Variants in METTL16 observed in about 807,000 individuals in gnomAD.
METTL16 encodes the protein RNA N(6)-adenosine-methyltransferase METTL16.
Under a neutral mutation model 57.9 loss-of-function variants are expected in METTL16, and 19 were observed. The ratio of observed to expected loss-of-function variants is 0.33; its 90% CI spans 0.23 to 0.48. METTL16 has a LOEUF of 0.48. METTL16 is among the 20% of genes least tolerant of loss of function. The probability of loss-of-function intolerance (pLI) is 0.99; values close to 1 mark genes in which losing one functional copy is unlikely to be tolerated. For missense variants in METTL16, 434 were observed against 691.5 expected, an observed-to-expected ratio of 0.63 and a Z score of 4.18; for synonymous variants, 246 against 255.6, an observed-to-expected ratio of 0.96 and a Z score of 0.36.
At position 2,448,795 on chromosome 17, in the gene METTL16, TAAAATTTAAAA is replaced by T. The variant is rs2067042482; in HGVS notation, c.729-7247_729-7237del. On this transcript the variant is annotated intron_variant, in intron 6 of 9. Coordinates refer to ENST00000263092, the MANE Select transcript of METTL16 (RefSeq NM_024086.4). ...AAATAAAAAAATAAAAAAATAAAAA[TAAAATTTAAAA>T]AAAAAAAAAAAAAAAAAAAAGAGCA... Among the ~76,000 whole-genome samples the T allele has an allele frequency of 3.9e-3, 142 of 36,808 alleles. 3 individuals are homozygous for T. The highest frequency in any genetic ancestry group is 6.2e-3 in the Non-Finnish European group (124 of 20,116). 24.1% of individuals were successfully genotyped at this position (36,808 alleles called of 152,430 possible). A position where few individuals can be genotyped will look rare whatever the true frequency, so the allele number is the denominator to read the frequency against.
At chr17:2,509,258 G>A (rs1296597912) in intron 1 of METTL16, among the ~76,000 whole-genome samples, 1 of 152,168 alleles carries the variant, frequency 6.6e-6, no homozygotes. Context: ...CAGAATTTGA[G>A]GGGATTAGTA....
intron 6 of METTL16, among the ~76,000 whole-genome samples, chr17:2,453,576 A>G (rs1567891456): frequency 1.3e-5 from 2 of 152,180 alleles, no homozygotes; most frequent in African/African-American, 2.4e-5. Context: ...CTTTCTCCAA[A>G]GCAAACTCTT....
intron 1 of METTL16, among the ~76,000 whole-genome samples, chr17:2,505,386 C>G (rs935359466): frequency 9.3e-5 from 13 of 140,376 alleles, no homozygotes; most frequent in Non-Finnish European, 1.7e-4. Flanking sequence ...CAATGTCAAG[C>G]CCAGAGGCAT....
At chr17:2,451,038 ATACAT>A (rs1310782655) in intron 6 of METTL16, among the ~76,000 whole-genome samples, 7 of 152,340 alleles carry the variant, frequency 4.6e-5, no homozygotes, top group African/African-American at 1.7e-4. Flanking sequence ...TTTCGACCTC[ATACAT>A]TAAATAACAT....
At chr17:2,444,484 T>C (rs921410934) in intron 6 of METTL16, among the ~76,000 whole-genome samples, 1 of 152,020 alleles carries the variant, frequency 6.6e-6, no homozygotes, top group African/African-American at 2.4e-5. Flanking sequence ...TAAAATAAAA[T>C]GAAGTTGAAA....
intron 8 of METTL16, among the ~76,000 whole-genome samples, chr17:2,436,432 C>T (rs949609881): frequency 2.6e-5 from 4 of 152,158 alleles, no homozygotes; most frequent in African/African-American, 9.7e-5. Context: ...CGGATTTAAG[C>T]TCCTGTTTTC....
At position 2,420,147 on chromosome 17, in the gene METTL16, C is replaced by T. The variant is rs780430979; in HGVS notation, c.1512G>A (p.Gly504=). ...EQFGSPVAER[G]KRLPGVAGQY... ...GTCCGGCCACTCCTGGGAGACGTTT[C>T]CCCCTTTCAGCCACTGGGCTGCCGA... Residue 504 remains glycine, a synonymous_variant, in exon 10 of 10, where the codon GGG becomes GGA. Coordinates refer to ENST00000263092, the MANE Select transcript of METTL16 (RefSeq NM_024086.4). The surrounding 1 kb of genome is among the most constrained non-coding windows in gnomAD (Gnocchi z 5.4). 6.8e-6 allele frequency: 11 copies of T among 1,614,124 alleles called. No homozygotes were observed. The highest frequency in any genetic ancestry group is 1.3e-5 in the African/African-American group (1 of 74,940).
In METTL16 at chr17:2,422,606, G is replaced by T. The variant is rs572812776; in HGVS notation, c.889-1702C>A. Among the ~76,000 whole-genome samples, 5 of 151,572 alleles carry T rather than the reference G, an allele frequency of 3.3e-5. No homozygotes were observed. In the South Asian group the frequency reaches 6.3e-4, roughly 19 times the overall value. On this transcript the variant is annotated intron_variant, in intron 8 of 9. Transcript: ENST00000263092. The stretch of plus-strand genomic sequence containing the variant: ...AGGATGGTCTCGATCTCTTGACCTC[G>T]TGATCCACCCACCTCGGCCTCTCAA...
chr17:2,417,512 C>A lies in METTL16; in HGVS notation c.*2458G>T, dbSNP rs763479422. The A allele has an allele frequency of 6.6e-6, 1 of 152,224 alleles. No individual in the cohort carries two copies. The highest frequency in any genetic ancestry group is 1.5e-5 in the Non-Finnish European group (1 of 68,058). 9.4% of individuals were successfully genotyped at this position (152,224 alleles called of 1,614,324 possible). A position where few individuals can be genotyped will look rare whatever the true frequency, so the allele number is the denominator to read the frequency against. ...AATACACAGAGCATTCTCTGGAAATCCCTACGACACAGGCTTAAAGGCCAG... is the reference window on the plus strand; with the variant it reads ...AATACACAGAGCATTCTCTGGAAATACCTACGACACAGGCTTAAAGGCCAG... On this transcript the variant is annotated 3_prime_UTR_variant, in exon 10 of 10. Transcript: ENST00000263092.
intron 3 of METTL16, among the ~76,000 whole-genome samples, chr17:2,475,950 A>G (rs1181241501): frequency 1.3e-5 from 2 of 152,232 alleles, no homozygotes; most frequent in Non-Finnish European, 2.9e-5. Context: ...TAAGCAAACT[A>G]GCTGAGAAGC....
chr17:2,428,581 ATATATATATATATATATAT>A (rs2066841996), intron 8 of METTL16, among the ~76,000 whole-genome samples: 8 of 44,766 alleles, frequency 1.8e-4, no homozygotes, highest in South Asian at 2.6e-3. Context: ...ATATATATAT[ATATATATATATATATATAT>A]ATAAATTGTA....
At chr17:2,445,270 GT>G (rs1315468480) in intron 6 of METTL16, among the ~76,000 whole-genome samples, 1 of 152,092 alleles carries the variant, frequency 6.6e-6, no homozygotes, top group Non-Finnish European at 1.5e-5. Context: ...TGCCGTACAG[GT>G]TTGTAGCCTA....
chr17:2,489,210 ATGT>A (rs2067365772), intron 2 of METTL16, among the ~76,000 whole-genome samples: 1 of 151,930 alleles, frequency 6.6e-6, no homozygotes, highest in African/African-American at 2.4e-5. Flanking sequence ...GCTTCCCAAA[ATGT>A]TGTGATTACA....
At chr17:2,473,154 C>T (rs2067245664) in intron 4 of METTL16, among the ~76,000 whole-genome samples, 1 of 151,924 alleles carries the variant, frequency 6.6e-6, no homozygotes, top group South Asian at 2.1e-4. Flanking sequence ...CCTAAAAATG[C>T]CCTAAAAAAT....
chr17:2,424,214 C>G (rs1049777684), intron 8 of METTL16: 22 of 149,660 alleles, frequency 1.5e-4, no homozygotes, highest in Admixed American at 6.0e-4. Flanking sequence ...CCCGGGTTCA[C>G]GCCATTCTCC....
intron 6 of METTL16, among the ~76,000 whole-genome samples, chr17:2,455,364 G>A (rs563943848): frequency 6.4e-4 from 97 of 152,316 alleles, no homozygotes; most frequent in African/African-American, 2.2e-3. Context: ...CAGGATTACA[G>A]GCGTGAGCCA....
Position 2,511,679 on chromosome 17 carries a change from T to G in METTL16, c.-1+80A>C, listed in dbSNP as rs995164094. ...AGTCGGCACCTCACTAGCCCAAAAC[T>G]CAAGAATGAGGAACCCGTGTGATCC... On this transcript the variant is annotated intron_variant, in intron 1 of 9. Coordinates refer to ENST00000263092, the MANE Select transcript of METTL16 (RefSeq NM_024086.4). The G allele has an allele frequency of 2.1e-4, 84 of 394,658 alleles. 1 individual carries two copies. The highest frequency in any genetic ancestry group is 3.1e-4 in the Non-Finnish European group (70 of 224,302). The allele number at this position is 394,658 out of a possible 1,614,324, so 24.4% of individuals were successfully genotyped here.
Position 2,416,313 on chromosome 17 carries a change from A to G in METTL16, c.*3657T>C, listed in dbSNP as rs1359310525. 2 of 152,202 alleles carry G rather than the reference A, an allele frequency of 1.3e-5. No homozygotes were observed. The highest frequency in any genetic ancestry group is 4.8e-5 in the African/African-American group (2 of 41,442). The allele number at this position is 152,202 out of a possible 1,614,324, so 9.4% of individuals were successfully genotyped here. ...TGAAGTCATCAGCTCCCTTCTTTCAAAAGGCCTCGGATTTCCCACAGGCTT... is the reference window on the plus strand; with the variant it reads ...TGAAGTCATCAGCTCCCTTCTTTCAGAAGGCCTCGGATTTCCCACAGGCTT... On this transcript the variant is annotated 3_prime_UTR_variant, in exon 10 of 10. Transcript: ENST00000263092.
intron 6 of METTL16, among the ~76,000 whole-genome samples, chr17:2,459,503 C>T (rs956572657): frequency 6.6e-6 from 1 of 152,202 alleles, no homozygotes; most frequent in East Asian, 1.9e-4. Context: ...ACTTATTTCA[C>T]CCCATAATGC....
Sources: allele counts gnomAD v4.1 joint callset (sites outside exome capture counted in the v4.1 genomes callset), GRCh38; gene constraint gnomAD v4.1.1; non-coding constraint Gnocchi (gnomAD v3.1); transcripts MANE v1.5; gene names NCBI Gene and HGNC (gene_info 2026-07-23, HGNC 2026-07-21).